Variants in NR1D2 observed in about 807,000 individuals in gnomAD.
The protein encoded by NR1D2 is nuclear receptor subfamily 1 group D member 2, also known as V-erbA-related protein 1-related.
A neutral mutation model predicts 52.2 loss-of-function variants in NR1D2; 25 were observed. The observed-to-expected ratio is 0.48, with a 90% confidence interval of 0.35 to 0.67. The LOEUF is 0.67. Ranked by LOEUF, NR1D2 falls within the 30% of genes least tolerant of loss-of-function variation. The pLI is 0.01. For missense variants in NR1D2, 681 were observed against 707.2 expected, an observed-to-expected ratio of 0.96 and a Z score of 0.42; for synonymous variants, 259 against 230.1, an observed-to-expected ratio of 1.13 and a Z score of -1.14.
chr3:23,965,452 GCC>G (rs1438615819), intron 6 of NR1D2, among the ~76,000 whole-genome samples: 2 of 150,832 alleles, frequency 1.3e-5, no homozygotes, highest in African/African-American at 2.4e-5. Flanking sequence ...TTGCCTTGTG[GCC>G]CAGGCTGGTC....
At position 23,979,681 on chromosome 3, in the gene NR1D2, A is replaced by G. The variant is rs540316186; in HGVS notation, c.*2262A>G. The G allele has an allele frequency of 6.6e-6, 1 of 152,218 alleles. No homozygotes were observed. The highest frequency in any genetic ancestry group is 2.4e-5 in the African/African-American group (1 of 41,578). The allele number at this position is 152,218 out of a possible 1,614,324, so 9.4% of individuals were successfully genotyped here. ...TTCATATGTCACTCATAGCATTTCT[A>G]TATTTGAAAGTAGCCCAATATAAAA... On this transcript the variant is annotated 3_prime_UTR_variant, in exon 8 of 8. Coordinates refer to ENST00000312521, the MANE Select transcript of NR1D2 (RefSeq NM_005126.5).
At position 23,978,319 on chromosome 3, in the gene NR1D2, A is replaced by G. The variant is rs753223211; in HGVS notation, c.*900A>G. ...TATCATACAGGAAACTTAAAACAAG[A>G]GGTGTCAAAAGACCCAAATTAGGTG... On this transcript the variant is annotated 3_prime_UTR_variant, in exon 8 of 8. Coordinates refer to ENST00000312521, the MANE Select transcript of NR1D2 (RefSeq NM_005126.5). The G allele has an allele frequency of 8.5e-5, 13 of 152,202 alleles. No individual in the cohort carries two copies. The highest frequency in any genetic ancestry group is 3.1e-4 in the African/African-American group (13 of 41,460). 9.4% of individuals were successfully genotyped at this position (152,202 alleles called of 1,614,324 possible).
At chr3:23,949,104 G>A (rs1705857153) in intron 1 of NR1D2, among the ~76,000 whole-genome samples, 1 of 152,152 alleles carries the variant, frequency 6.6e-6, no homozygotes, top group Non-Finnish European at 1.5e-5. Flanking sequence ...GGTGGCTCAT[G>A]CCTGTAATCC....
In NR1D2 at chr3:23,977,677, A is replaced by G. The variant is rs1706769848; in HGVS notation, c.*258A>G. ...AGAAGTTACACTGAAGTATAATCAC[A>G]CTGAATGTTAGACTTTTTCATCTGC... On this transcript the variant is annotated 3_prime_UTR_variant, in exon 8 of 8. Coordinates refer to ENST00000312521, the MANE Select transcript of NR1D2 (RefSeq NM_005126.5). The G allele has an allele frequency of 3.5e-6, 1 of 288,460 alleles. No homozygotes were observed. The highest frequency in any genetic ancestry group is 2.2e-5 in the African/African-American group (1 of 46,218). 17.9% of individuals were successfully genotyped at this position (288,460 alleles called of 1,614,324 possible).
Position 23,945,521 on chromosome 3 carries a change from G to GGCA in NR1D2, c.-56_-55insAGC, listed in dbSNP as rs2125275385. ...GGCGGCGCGGCGCTGAGGCGGCGGC[G>GGCA]GCGGCGCTGCCCCCTCTGCGGGAAG... On this transcript the variant is annotated 5_prime_UTR_variant, in exon 1 of 8. Transcript: ENST00000312521. The GGCA allele has an allele frequency of 4.6e-6, 5 of 1,093,690 alleles. No homozygotes were observed. The East Asian group carries it at 1.9e-4, about 41-fold the overall frequency. The allele number at this position is 1,093,690 out of a possible 1,614,324, so 67.7% of individuals were successfully genotyped here.
chr3:23,971,303 A>T (rs78650000), intron 7 of NR1D2, among the ~76,000 whole-genome samples: 1,375 of 122,986 alleles, frequency 0.011, 118 homozygotes, highest in East Asian at 0.019. Context: ...CTCTATACCT[A>T]TTTTTTTTTT....
chr3:23,951,320 TTCTTA>T (rs1575146074), intron 1 of NR1D2, among the ~76,000 whole-genome samples: 1 of 152,204 alleles, frequency 6.6e-6, no homozygotes, highest in East Asian at 1.9e-4. Flanking sequence ...AAACATCACT[TTCTTA>T]TCTTTTATTT....
intron 5 of NR1D2, 85 bp downstream of exon 5, chr3:23,962,690 G>A: frequency 2.3e-6 from 3 of 1,313,500 alleles, no homozygotes; most frequent in Non-Finnish European, 3.1e-6. Flanking sequence ...GCTAACTTGG[G>A]GGGATGGTGT....
At chr3:23,966,269 T>TTATAACGGAGGGAGTGAGATA (rs1482230700) in intron 6 of NR1D2, among the ~76,000 whole-genome samples, 1 of 152,252 alleles carries the variant, frequency 6.6e-6, no homozygotes, top group Non-Finnish European at 1.5e-5. Context: ...CCTGGATTTA[T>TTATAACGGAGGGAGTGAGATA]TATAACGGAG....
chr3:23,956,487 G>T (rs6794922), intron 3 of NR1D2, among the ~76,000 whole-genome samples: 119,441 of 152,040 alleles, frequency 0.79, 47,665 homozygotes, highest in African/African-American at 0.9. Context: ...TCTGCCTTGT[G>T]GGAACTTAGT....
rs1706038743 is a variant in NR1D2 at position 23,954,779 on chromosome 3, A to C, written c.259A>C (p.Thr87Pro). ...KTSKSSAPGMTKSHSGVTKFS... is the reference protein window; with the variant it reads ...KTSKSSAPGMPKSHSGVTKFS... ...AAGCAAATCGAGTGCACCTGGGATG[A>C]CAAAAAGTCATAGTGGTGTGACAAG... is the stretch of plus-strand genomic sequence containing the variant. Residue 87 changes from threonine (T) to proline (P), a missense_variant, in exon 2 of 8, where the codon ACA (threonine) becomes CCA (proline). By Grantham distance (38) the Thr-to-Pro change is conservative. Transcript: ENST00000312521. 3 of 1,613,990 alleles carry C rather than the reference A, an allele frequency of 1.9e-6. No individual in the cohort carries two copies. The African/African-American group carries it at 4.0e-5, about 22-fold the overall frequency.
intron 6 of NR1D2, among the ~76,000 whole-genome samples, chr3:23,966,689 GTTC>G (rs1185824431): frequency 2.0e-5 from 3 of 152,174 alleles, no homozygotes; most frequent in Non-Finnish European, 4.4e-5. Flanking sequence ...TTCTTTTGAT[GTTC>G]TTCTTGGAGT....
chr3:23,945,689 G>T, intron 1 of NR1D2, 95 bp downstream of exon 1: 2 of 788,914 alleles, frequency 2.5e-6, no homozygotes, highest in Non-Finnish European at 3.3e-6. Context: ...GTGTCCCCAT[G>T]GCCGGTGGGG....
rs552536618 is a variant in NR1D2, at chr3:23,946,257, A to AC, written c.16+667dup. Reference sequence around the variant, plus strand: ...CGCCGCACGCTCTTTTCGCGAGGTGACCCCAAGGCGCGGACCCCGCGCAAA... The same window carrying AC: ...CGCCGCACGCTCTTTTCGCGAGGTGACCCCCAAGGCGCGGACCCCGCGCAAA... On this transcript the variant is annotated intron_variant, in intron 1 of 7. Transcript: ENST00000312521. The AC allele has an allele frequency of 2.4e-4, 235 of 985,370 alleles. No individual in the cohort carries two copies. The African/African-American group carries it at 3.5e-3, about 15-fold the overall frequency. 61.0% of individuals were successfully genotyped at this position (985,370 alleles called of 1,614,324 possible).
intron 7 of NR1D2, among the ~76,000 whole-genome samples, chr3:23,971,256 G>GT (rs1706580781): frequency 6.7e-6 from 1 of 149,474 alleles, no homozygotes; most frequent in African/African-American, 2.5e-5. Flanking sequence ...TAATTTTCTG[G>GT]TTGTTGACCA....
At chr3:23,961,381 T>TTTTC (rs1340085539) in intron 4 of NR1D2, among the ~76,000 whole-genome samples, 3 of 147,176 alleles carry the variant, frequency 2.0e-5, no homozygotes, top group East Asian at 1.9e-4. Flanking sequence ...TCTTTTTTCT[T>TTTTC]TTTCTTTCTT....
In NR1D2 at chr3:23,959,029, A is replaced by G. The variant is rs1706162017; in HGVS notation, c.373-642A>G. Among the ~76,000 whole-genome samples the G allele has an allele frequency of 2.0e-5, 3 of 152,242 alleles. No homozygotes were observed. The South Asian group carries it at 6.2e-4, about 32-fold the overall frequency. ...CACCCTGTAAGTCTAACACTTCGGG[A>G]GGCCAAGGCTGGCAGATCACTTGAG... On this transcript the variant is annotated intron_variant, in intron 3 of 7. Transcript: ENST00000312521.
chr3:23,964,319 C>T (rs1706381718), intron 5 of NR1D2, among the ~76,000 whole-genome samples: 1 of 152,096 alleles, frequency 6.6e-6, no homozygotes, highest in South Asian at 2.1e-4. Context: ...CCTTGTGATT[C>T]GCCTGCCTCG....
intron 1 of NR1D2, among the ~76,000 whole-genome samples, chr3:23,947,461 G>T (rs34593533): frequency 6.6e-6 from 1 of 152,066 alleles, no homozygotes. Context: ...CGTTTGGGAT[G>T]GAGCACCCAG....
Sources: gnomAD v4.1 joint callset for allele counts (sites outside exome capture counted in the v4.1 genomes callset) on GRCh38, gnomAD v4.1.1 for gene constraint, MANE v1.5 for transcripts, NCBI Gene and HGNC (gene_info 2026-07-23, HGNC 2026-07-21) for gene names.